The following DLGAP1 variants were observed in gnomAD, a reference collection of about 807,000 sequenced individuals.
The protein encoded by DLGAP1 is disks large-associated protein 1.
Under a neutral mutation model 90.8 loss-of-function variants are expected in DLGAP1, and 11 were observed. The observed-to-expected ratio is 0.12, with a 90% confidence interval of 0.08 to 0.20. DLGAP1 has a LOEUF of 0.20. DLGAP1 is among the 10% of genes least tolerant of loss of function. The probability of loss-of-function intolerance (pLI) is 1.00; values close to 1 mark genes in which losing one functional copy is unlikely to be tolerated. For missense variants in DLGAP1, 1,050 were observed against 1,333.8 expected (o/e 0.79, Z 3.31); for synonymous variants, 558 against 540.7 (o/e 1.03, Z -0.44).
chr18:3,516,758 A>G (rs969469766), intron 10 of DLGAP1, among the ~76,000 whole-genome samples: 3 of 152,210 alleles, frequency 2.0e-5, no homozygotes, highest in African/African-American at 7.2e-5. Context: ...ATCAGATCTC[A>G]TAAGACTTAT....
chr18:3,719,826 C>T (rs929286450), intron 7 of DLGAP1, among the ~76,000 whole-genome samples: 4 of 152,116 alleles, frequency 2.6e-5, no homozygotes, highest in African/African-American at 4.8e-5. Context: ...CCATAATCAA[C>T]ATTTTAGAAA....
intron 3 of DLGAP1, among the ~76,000 whole-genome samples, chr18:3,889,459 T>C (rs2071404751): frequency 6.6e-6 from 1 of 152,224 alleles, no homozygotes; most frequent in Non-Finnish European, 1.5e-5. Context: ...TTTTCTCTTA[T>C]AAAGTCTCTT....
chr18:3,698,140 A>G (rs368616473), intron 7 of DLGAP1, among the ~76,000 whole-genome samples: 10 of 152,044 alleles, frequency 6.6e-5, no homozygotes, highest in African/African-American at 2.4e-4. Flanking sequence ...TCTTTATCCA[A>G]TTTGCCACTC....
chr18:4,289,549 G>A (rs2079793846), intron 1 of DLGAP1, among the ~76,000 whole-genome samples: 1 of 152,122 alleles, frequency 6.6e-6, no homozygotes, highest in Non-Finnish European at 1.5e-5. Context: ...ATTTGATTCC[G>A]TAACTGTTAA....
chr18:4,237,081 T>C (rs2078431616), intron 1 of DLGAP1, among the ~76,000 whole-genome samples: 1 of 152,188 alleles, frequency 6.6e-6, no homozygotes, highest in Admixed American at 6.5e-5. Flanking sequence ...TGTCTGAAGC[T>C]ATCGAGTAGC....
chr18:3,835,606 G>A (rs779537520), intron 4 of DLGAP1, among the ~76,000 whole-genome samples: 2 of 146,336 alleles, frequency 1.4e-5, no homozygotes, highest in Non-Finnish European at 1.5e-5. Context: ...CCAAGATCGC[G>A]TCATTGCACT....
intron 1 of DLGAP1, among the ~76,000 whole-genome samples, chr18:4,439,185 C>T (rs577412655): frequency 1.3e-5 from 2 of 152,320 alleles, no homozygotes; most frequent in African/African-American, 4.8e-5. Context: ...CCTACCCATC[C>T]TTCTTTCTCA....
intron 10 of DLGAP1, among the ~76,000 whole-genome samples, chr18:3,519,410 A>G (rs629534): frequency 0.76 from 115,422 of 152,076 alleles, 43,806 homozygotes; most frequent in Admixed American, 0.81. Flanking sequence ...TTTGCAATGT[A>G]TTTGGTTACC....
At chr18:4,361,636 A>G (rs2081631510) in intron 1 of DLGAP1, among the ~76,000 whole-genome samples, 1 of 152,250 alleles carries the variant, frequency 6.6e-6, no homozygotes, top group African/African-American at 2.4e-5. Flanking sequence ...TGTAAGATCT[A>G]AAATTATAAA....
At chr18:4,441,785 C>T (rs8089066) in intron 1 of DLGAP1, among the ~76,000 whole-genome samples, 52,515 of 151,938 alleles carry the variant, frequency 0.35, 9,187 homozygotes, top group East Asian at 0.46. Context: ...AGATACATTT[C>T]TGACAGTTAT....
At chr18:3,802,332 C>T (rs372144058) in intron 5 of DLGAP1, among the ~76,000 whole-genome samples, 76 of 152,304 alleles carry the variant, frequency 5.0e-4, no homozygotes, top group African/African-American at 1.7e-3. Flanking sequence ...TTATCTGGCT[C>T]GGCTATCAGT....
chr18:3,666,723 T>C (rs766345423), intron 7 of DLGAP1, among the ~76,000 whole-genome samples: 24 of 152,234 alleles, frequency 1.6e-4, no homozygotes, highest in Non-Finnish European at 3.4e-4. Context: ...GATCAGATTC[T>C]AATCTGTCAA....
chr18:3,871,024 G>A (rs1019949915), intron 4 of DLGAP1, among the ~76,000 whole-genome samples: 1 of 152,126 alleles, frequency 6.6e-6, no homozygotes, highest in African/African-American at 2.4e-5. Context: ...AGATAATGTC[G>A]CTTCTCCCTT....
chr18:3,642,891 C>G (rs1193195971), intron 7 of DLGAP1, among the ~76,000 whole-genome samples: 1 of 152,190 alleles, frequency 6.6e-6, no homozygotes, highest in East Asian at 1.9e-4. Flanking sequence ...ATGGCAATGT[C>G]TAGTCAAACC....
chr18:3,817,490 C>G (rs1384787044), intron 4 of DLGAP1, among the ~76,000 whole-genome samples: 1 of 151,962 alleles, frequency 6.6e-6, no homozygotes, highest in Non-Finnish European at 1.5e-5. Flanking sequence ...TAGCATACAA[C>G]AAGATTACAC....
chr18:3,878,155 C>A (rs1276255229), intron 4 of DLGAP1: 1 of 137,690 alleles, frequency 7.3e-6, no homozygotes, highest in East Asian at 2.2e-4. Flanking sequence ...ACTTTTATAG[C>A]TCAGTAATTT....
chr18:4,237,411 G>C (rs2078440938), intron 1 of DLGAP1, among the ~76,000 whole-genome samples: 1 of 151,972 alleles, frequency 6.6e-6, no homozygotes. Flanking sequence ...CTTTTGTTAG[G>C]ATTTTCAACT....
At chr18:3,854,335 C>T (rs2148701293) in intron 4 of DLGAP1, among the ~76,000 whole-genome samples, 1 of 152,162 alleles carries the variant, frequency 6.6e-6, no homozygotes, top group Middle Eastern at 3.4e-3. Flanking sequence ...ATATTGGATA[C>T]AATTATGAGT....
At chr18:4,429,101 T>A (rs957204045) in intron 1 of DLGAP1, among the ~76,000 whole-genome samples, 6 of 152,216 alleles carry the variant, frequency 3.9e-5, no homozygotes, top group African/African-American at 1.4e-4. Flanking sequence ...ACCTCTATAA[T>A]ACCTTTGCAA....
Sources: gnomAD v4.1 joint callset for allele counts (sites outside exome capture counted in the v4.1 genomes callset) on GRCh38, gnomAD v4.1.1 for gene constraint, MANE v1.5 for transcripts, NCBI Gene and HGNC (gene_info 2026-07-23, HGNC 2026-07-21) for gene names.